CPTP: variants seen among roughly 807,000 people sequenced by gnomAD.
CPTP encodes ceramide-1-phosphate transfer protein.
CPTP carries 5 observed loss-of-function variants against 5.7 expected under a neutral mutation model. The ratio of observed to expected loss-of-function variants is 0.88; its 90% CI spans 0.46 to 1.86. CPTP has a LOEUF of 1.86. CPTP is among the 40% of genes most tolerant of loss of function. CPTP has a pLI of 0.01. For synonymous variants in CPTP, 166 were observed against 142.7 expected (o/e 1.16, Z -1.16); for missense variants, 335 against 306.5 (o/e 1.09, Z -0.69).
rs1643353018 is a variant in CPTP at position 1,328,198 on chromosome 1, C to T, written c.*435C>T. 1 of 243,828 alleles carries T rather than the reference C, an allele frequency of 4.1e-6. No individual in the cohort carries two copies. The highest frequency in any genetic ancestry group is 8.0e-6 in the Non-Finnish European group (1 of 124,248). 15.1% of individuals were successfully genotyped at this position (243,828 alleles called of 1,614,324 possible). A position where few individuals can be genotyped will look rare whatever the true frequency, so the allele number is the denominator to read the frequency against. ...TCTCCTTTCTGCCAGCCGATGTGTC[C>T]TCATCTCAGGCCCGTGCCTGGGACC... On this transcript the variant is annotated 3_prime_UTR_variant, in exon 3 of 3. Transcript: ENST00000343938.
Position 1,328,351 on chromosome 1 carries a change from C to T in CPTP, c.*588C>T, listed in dbSNP as rs1209236189. ...TCCCCGCCTCTCCTGCCTTGTTTGC[C>T]CCTCAGCGTGCCAGGCAGACTGGGG... On this transcript the variant is annotated 3_prime_UTR_variant, in exon 3 of 3. Transcript: ENST00000343938. The T allele has an allele frequency of 6.4e-6, 1 of 156,426 alleles. No individual in the cohort carries two copies. The highest frequency in any genetic ancestry group is 2.4e-5 in the African/African-American group (1 of 41,468). 9.7% of individuals were successfully genotyped at this position (156,426 alleles called of 1,614,324 possible). A position where few individuals can be genotyped will look rare whatever the true frequency, so the allele number is the denominator to read the frequency against.
chr1:1,327,936 C>A lies in CPTP; in HGVS notation c.*173C>A. ...CAGACTGTGACAGAGAAGGTGGCGA[C>A]CAGCCCAGAAGAGGCCCACCCTCTC... On this transcript the variant is annotated 3_prime_UTR_variant, in exon 3 of 3. Transcript: ENST00000343938. The A allele has an allele frequency of 1.3e-6, 1 of 751,528 alleles. No individual in the cohort carries two copies. The highest frequency in any genetic ancestry group is 2.1e-6 in the Non-Finnish European group (1 of 472,070). 46.6% of individuals were successfully genotyped at this position (751,528 alleles called of 1,614,324 possible).
At position 1,327,996 on chromosome 1, in the gene CPTP, CT is replaced by C; in HGVS notation, c.*234del. Reference sequence around the variant, plus strand: ...CAAGACGCCTCGGCCACGGCTCCCCCTCGGCCTATTACACGCGTGCGCAGCC... The same window carrying C: ...CAAGACGCCTCGGCCACGGCTCCCCCCGGCCTATTACACGCGTGCGCAGCC... On this transcript the variant is annotated 3_prime_UTR_variant, in exon 3 of 3. Coordinates refer to ENST00000343938, the MANE Select transcript of CPTP (RefSeq NM_001029885.2). 1 of 595,974 alleles carries C rather than the reference CT, an allele frequency of 1.7e-6. No homozygotes were observed. Among genetic ancestry groups the C allele is most frequent in the East Asian group, 2.8e-5 (1 of 35,542 alleles). 36.9% of individuals were successfully genotyped at this position (595,974 alleles called of 1,614,324 possible). A position where few individuals can be genotyped will look rare whatever the true frequency, so the allele number is the denominator to read the frequency against.
At chr1:1,326,763 A>G in intron 1 of CPTP, 73 bp from the exon 2 acceptor site, 1 of 1,046,418 alleles carries the variant, frequency 9.6e-7, no homozygotes, top group Non-Finnish European at 1.4e-6. Flanking sequence ...CCTGGGAGGA[A>G]GCTCCATGAG....
In CPTP at chr1:1,325,028, C is replaced by T. The variant is rs1460121832; in HGVS notation, c.-150C>T. 5.5e-6 allele frequency: 1 copy of T among 182,910 alleles called. No homozygotes were observed. The highest frequency in any genetic ancestry group is 2.4e-5 in the African/African-American group (1 of 42,312). The allele number at this position is 182,910 out of a possible 1,614,324, so 11.3% of individuals were successfully genotyped here. On this transcript the variant is annotated 5_prime_UTR_variant, in exon 1 of 3. Transcript: ENST00000343938. ...ACACCACCCCGGGCCTCCGCCCCTTCCTGGGCCTCTCGGTGGAGCAGGGAC... is the reference window on the plus strand; with the variant it reads ...ACACCACCCCGGGCCTCCGCCCCTTTCTGGGCCTCTCGGTGGAGCAGGGAC...
At chr1:1,326,140 G>C (rs1358274098) in intron 1 of CPTP, among the ~76,000 whole-genome samples, 1 of 152,268 alleles carries the variant, frequency 6.6e-6, no homozygotes, top group Non-Finnish European at 1.5e-5. Context: ...CAAGAGCCTC[G>C]TGGCAATCTT....
chr1:1,327,660 A>G lies in CPTP; in HGVS notation c.542A>G (p.Glu181Gly). The change falls in exon 3 of 3, where the codon GAG (glutamate) becomes GGG (glycine). Residue 181 changes from glutamate (E) to glycine (G), a missense_variant. Physicochemically the swap from Glu to Gly is moderately conservative, Grantham distance 98. Transcript: ENST00000343938. ...GAGGCCATGAACGTGGGGCCCCCGG[A>G]GCAGGCCGTGCAGATGCTAGGCGAG... ...FLEAMNVGPP[E>G]QAVQMLGEAL... The G allele has an allele frequency of 1.2e-6, 2 of 1,612,716 alleles. No individual in the cohort carries two copies. The highest frequency in any genetic ancestry group is 1.7e-6 in the Non-Finnish European group (2 of 1,179,926).
In CPTP at chr1:1,327,536, G is replaced by T; in HGVS notation, c.418G>T (p.Asp140Tyr). 1 of 1,587,944 alleles carries T rather than the reference G, an allele frequency of 6.3e-7. No homozygotes were observed. The change falls in exon 3 of 3, where the codon GAC (aspartate) becomes TAC (tyrosine). Residue 140 changes from aspartate to tyrosine, a missense_variant. Transcript: ENST00000343938. ...CGCACGCACCTCCGCGCTCTGCGCC[G>T]ACTCCTACAACGCCTCGCTGGCCGC... The part of the protein sequence containing the change: ...EDARTSALCA[D>Y]SYNASLAAYH...
In CPTP at chr1:1,326,922, G is replaced by T. The variant is rs371310951; in HGVS notation, c.12G>T (p.Ser4=). The T allele has an allele frequency of 6.2e-7, 1 of 1,613,782 alleles. No homozygotes were observed. Among genetic ancestry groups the T allele is most frequent in the Admixed American group, 1.7e-5 (1 of 60,024 alleles). Reference sequence around the variant, plus strand: ...GTTCCTATCAAAAAATGGATGACTCGGAGACAGGTTTCAATCTGAAAGTCG... The same window carrying T: ...GTTCCTATCAAAAAATGGATGACTCTGAGACAGGTTTCAATCTGAAAGTCG... MDD[S]ETGFNLKVVL... The change falls in exon 2 of 3, where the codon TCG becomes TCT. Residue 4 remains serine, a synonymous_variant. Transcript: ENST00000343938.
chr1:1,327,293 T>C lies in CPTP; in HGVS notation c.175T>C (p.Ser59Pro), dbSNP rs1283518509. 6.3e-7 allele frequency: 1 copy of C among 1,598,170 alleles called. No homozygotes were observed. Among genetic ancestry groups the C allele is most frequent in the Admixed American group, 1.7e-5 (1 of 59,706 alleles). The change falls in exon 3 of 3, where the codon TCC becomes CCC. Residue 59 changes from serine (S) to proline (P), a missense_variant. Transcript: ENST00000343938. ...IFSFISKDVV[S>P]KLRIMERLRG... ...CTCATTCATCTCCAAGGACGTGGTC[T>C]CCAAGCTGCGGATCATGGAGCGCCT...
rs369600968 is a variant in CPTP at position 1,327,957 on chromosome 1, C to A, written c.*194C>A. On this transcript the variant is annotated 3_prime_UTR_variant, in exon 3 of 3. Transcript: ENST00000343938. Reference sequence around the variant, plus strand: ...GCGACCAGCCCAGAAGAGGCCCACCCTCTCGGTCCGGAACAAGACGCCTCG... The same window carrying A: ...GCGACCAGCCCAGAAGAGGCCCACCATCTCGGTCCGGAACAAGACGCCTCG... 2.7e-4 allele frequency: 176 copies of A among 654,058 alleles called. No individual in the cohort carries two copies. The African/African-American group carries it at 3.1e-3, about 12-fold the overall frequency. 40.5% of individuals were successfully genotyped at this position (654,058 alleles called of 1,614,324 possible).
Position 1,327,856 on chromosome 1 carries a change from C to T in CPTP, c.*93C>T. 2 of 1,393,022 alleles carry T rather than the reference C, an allele frequency of 1.4e-6. No homozygotes were observed. The highest frequency in any genetic ancestry group is 2.4e-5 in the South Asian group (2 of 83,218). The allele number at this position is 1,393,022 out of a possible 1,614,324, so 86.3% of individuals were successfully genotyped here. ...GTCCCGTGGCAGAGCCTTCTGGGCGCTGCGGGAACAGGAGATCCTCTGTCG... is the reference window on the plus strand; with the variant it reads ...GTCCCGTGGCAGAGCCTTCTGGGCGTTGCGGGAACAGGAGATCCTCTGTCG... On this transcript the variant is annotated 3_prime_UTR_variant, in exon 3 of 3. Coordinates refer to ENST00000343938, the MANE Select transcript of CPTP (RefSeq NM_001029885.2).
rs1643364402 is a variant in CPTP, at chr1:1,328,720, C to G, written c.*957C>G. 6.6e-6 allele frequency: 1 copy of G among 152,546 alleles called. No individual in the cohort carries two copies. The highest frequency in any genetic ancestry group is 1.5e-5 in the Non-Finnish European group (1 of 68,106). The allele number at this position is 152,546 out of a possible 1,614,324, so 9.4% of individuals were successfully genotyped here. The stretch of plus-strand genomic sequence containing the variant: ...AGACAGCCACAACCAGCCCAGCCAC[C>G]ATCCAGTGCCTGGGGCCTGGCCACT... On this transcript the variant is annotated 3_prime_UTR_variant, in exon 3 of 3. Transcript: ENST00000343938.
rs767743719 is a variant in CPTP, at chr1:1,327,023, G to C, written c.113G>C (p.Gly38Ala). Reference protein sequence around the residue: ...LLDPYIASWKGLVRFLNSLGT... With the variant: ...LLDPYIASWKALVRFLNSLGT... ...GACCCCTACATTGCCAGCTGGAAGGGCCTGGTCAGGTGCGTGTGCCAGGGC... is the reference window on the plus strand; with the variant it reads ...GACCCCTACATTGCCAGCTGGAAGGCCCTGGTCAGGTGCGTGTGCCAGGGC... The change falls in exon 2 of 3, where the codon GGC becomes GCC. Residue 38 changes from glycine (G) to alanine (A), a missense_variant. Gly to Ala is a moderately conservative substitution (Grantham distance 60). Coordinates refer to ENST00000343938, the MANE Select transcript of CPTP (RefSeq NM_001029885.2). The C allele has an allele frequency of 1.9e-6, 3 of 1,613,180 alleles. No homozygotes were observed. The South Asian group carries it at 3.3e-5, about 18-fold the overall frequency.
Position 1,327,250 on chromosome 1 carries a change from C to T in CPTP, c.132C>T (p.Asn44=), listed in dbSNP as rs1425225771. 1 of 1,596,608 alleles carries T rather than the reference C, an allele frequency of 6.3e-7. No homozygotes were observed. Among genetic ancestry groups the T allele is most frequent in the East Asian group, 2.2e-5 (1 of 44,868 alleles). The part of the protein sequence containing the change: ...ASWKGLVRFL[N]SLGTIFSFIS... The stretch of plus-strand genomic sequence containing the variant: ...CCGCTCCCTTCCACAGGTTTCTGAA[C>T]AGCCTGGGCACCATCTTCTCATTCA... The change falls in exon 3 of 3, where the codon AAC becomes AAT. Residue 44 remains asparagine, a synonymous_variant. Transcript: ENST00000343938.
At position 1,327,078 on chromosome 1, in the gene CPTP, C is replaced by T. The variant is rs369358012; in HGVS notation, c.122+46C>T. On this transcript the variant is annotated intron_variant, in intron 2 of 2. Transcript: ENST00000343938. ...TCCTGAGGTGGGCGCTCCCCTGGCC[C>T]GAGTCCCATATGTGGCATCTGCCTC... is the stretch of plus-strand genomic sequence containing the variant. 1.4e-5 allele frequency: 23 copies of T among 1,608,152 alleles called. No individual in the cohort carries two copies. In the East Asian group the frequency reaches 1.8e-4, roughly 12 times the overall value.
chr1:1,326,687 T>G, intron 1 of CPTP, 149 bp from the exon 2 acceptor site: 1 of 530,260 alleles, frequency 1.9e-6, no homozygotes. Flanking sequence ...GCAATCCTGA[T>G]GAAGGGTGGG....
rs1477126288 is a variant in CPTP, at chr1:1,328,697, A to C, written c.*934A>C. ...CTGTGGCCCAGCCAAAGGCTACCAG[A>C]CAGCCACAACCAGCCCAGCCACCAT... On this transcript the variant is annotated 3_prime_UTR_variant, in exon 3 of 3. Transcript: ENST00000343938. 8 of 152,548 alleles carry C rather than the reference A, an allele frequency of 5.2e-5. No individual in the cohort carries two copies. The highest frequency in any genetic ancestry group is 6.5e-5 in the Admixed American group (1 of 15,306). The allele number at this position is 152,548 out of a possible 1,614,324, so 9.4% of individuals were successfully genotyped here. A position where few individuals can be genotyped will look rare whatever the true frequency, so the allele number is the denominator to read the frequency against.
rs554104587 is a variant in CPTP at position 1,326,837 on chromosome 1, A to C, written c.-74A>C. 2 of 1,597,898 alleles carry C rather than the reference A, an allele frequency of 1.3e-6. No homozygotes were observed. Among genetic ancestry groups the C allele is most frequent in the East Asian group, 2.2e-5 (1 of 44,694 alleles). On this transcript the variant is annotated splice_region_variant and 5_prime_UTR_variant, in exon 2 of 3. Coordinates refer to ENST00000343938, the MANE Select transcript of CPTP (RefSeq NM_001029885.2). Reference sequence around the variant, plus strand: ...TATTTTGTTCCCCTCCACACACAGAAAATGAGCCACAGAGCAAGCTGACCC... The same window carrying C: ...TATTTTGTTCCCCTCCACACACAGACAATGAGCCACAGAGCAAGCTGACCC...
Sources: gnomAD v4.1 joint callset for allele counts (sites outside exome capture counted in the v4.1 genomes callset) on GRCh38, gnomAD v4.1.1 for gene constraint, MANE v1.5 for transcripts, NCBI Gene and HGNC (gene_info 2026-07-23, HGNC 2026-07-21) for gene names.